The following SCAF8 variants were observed in gnomAD, a reference collection of about 807,000 sequenced individuals.
SCAF8 encodes SR-related and CTD-associated factor 8.
In SCAF8, 23 loss-of-function variants were observed where a neutral mutation model predicts 140.5. The ratio of observed to expected loss-of-function variants is 0.16; its 90% CI spans 0.12 to 0.23. SCAF8 has a LOEUF of 0.23. Ranked by LOEUF, SCAF8 falls within the 10% of genes least tolerant of loss-of-function variation. SCAF8 has a pLI of 1.00. For missense variants in SCAF8, 1,397 were observed against 1,555.7 expected, an observed-to-expected ratio of 0.90 and a Z score of 1.72; for synonymous variants, 575 against 528.9, an observed-to-expected ratio of 1.09 and a Z score of -1.20.
intron 1 of SCAF8, among the ~76,000 whole-genome samples, chr6:154,754,436 A>G (rs565288022): frequency 6.6e-6 from 1 of 152,224 alleles, no homozygotes; most frequent in South Asian, 2.1e-4. Flanking sequence ...CTGAGTGCCT[A>G]GGTAGTGAGA....
intron 1 of SCAF8, among the ~76,000 whole-genome samples, chr6:154,763,053 G>C (rs565622849): frequency 2.0e-5 from 3 of 152,018 alleles, no homozygotes; most frequent in Non-Finnish European, 4.4e-5. Flanking sequence ...GTATTTTCTT[G>C]TGTGTATTAT....
Position 154,802,049 on chromosome 6 carries a change from CTTG to C in SCAF8, c.691_693del (p.Val231del), listed in dbSNP as rs761840385. ...CATTCTGCAGGCCCTAGATGCTGGT[CTTG>C]TTGTTCAGTTGCAAGCTCTTACGGC... is the stretch of plus-strand genomic sequence containing the variant. On this transcript the variant is annotated inframe_deletion, in exon 7 of 20. Coordinates refer to ENST00000367178, the MANE Select transcript of SCAF8 (RefSeq NM_014892.5). 3.7e-6 allele frequency: 6 copies of C among 1,613,286 alleles called. No homozygotes were observed. Among genetic ancestry groups the C allele is most frequent in the South Asian group, 1.1e-5 (1 of 90,990 alleles).
intron 6 of SCAF8, among the ~76,000 whole-genome samples, chr6:154,796,665 G>A (rs1344940268): frequency 6.6e-6 from 1 of 151,960 alleles, no homozygotes; most frequent in African/African-American, 2.4e-5. Context: ...GAAGGTTTGG[G>A]TGAACTTAAT....
In SCAF8 at chr6:154,803,614, C is replaced by T; in HGVS notation, c.854C>T (p.Ala285Val). The stretch of plus-strand genomic sequence containing the variant: ...GAAGAACCCAAAAAGGAAATTCCAG[C>T]TTCACAACTGTAAGAATTTTTTCTT... ...HSEEPKKEIP[A>V]SQLSHVSESV... The change falls in exon 8 of 20, where the codon GCT (alanine) becomes GTT (valine). Residue 285 changes from alanine (A) to valine (V), a missense_variant. This residue lies in a region of SCAF8 where 339 missense variants were observed against 407.5 expected (regional missense o/e 0.83). Transcript: ENST00000367178. 2 of 1,608,590 alleles carry T rather than the reference C, an allele frequency of 1.2e-6. No individual in the cohort carries two copies. The highest frequency in any genetic ancestry group is 8.5e-7 in the Non-Finnish European group (1 of 1,176,492).
At chr6:154,744,064 G>A (rs1481194401) in intron 1 of SCAF8, among the ~76,000 whole-genome samples, 1 of 152,218 alleles carries the variant, frequency 6.6e-6, no homozygotes, top group Non-Finnish European at 1.5e-5. Context: ...GGAGGCCAAG[G>A]TGGGTGGATC....
At chr6:154,822,834 C>T (rs1177602799) in intron 16 of SCAF8, among the ~76,000 whole-genome samples, 2 of 152,268 alleles carry the variant, frequency 1.3e-5, no homozygotes, top group South Asian at 2.1e-4. Context: ...GACACTCACT[C>T]TTCTAGGTAT....
Position 154,794,663 on chromosome 6 carries a change from C to G in SCAF8, c.476-346C>G, listed in dbSNP as rs1400163713. On this transcript the variant is annotated intron_variant, in intron 5 of 19. Transcript: ENST00000367178. Reference sequence around the variant, plus strand: ...TGGTGCTAGCTCTGGTTTCAAGCATCCACTGGAGTTCTTGGAACACATCTC... The same window carrying G: ...TGGTGCTAGCTCTGGTTTCAAGCATGCACTGGAGTTCTTGGAACACATCTC... 2.0e-5 allele frequency among the ~76,000 whole-genome samples: 3 copies of G among 149,968 alleles called. 1 individual carries two copies. Among genetic ancestry groups the G allele is most frequent in the African/African-American group, 7.4e-5 (3 of 40,566 alleles).
intron 1 of SCAF8, among the ~76,000 whole-genome samples, chr6:154,748,814 A>G (rs77810629): frequency 6.6e-6 from 1 of 152,242 alleles, no homozygotes; most frequent in Non-Finnish European, 1.5e-5. Context: ...CTGCAGCATC[A>G]TTCTTGTGCA....
chr6:154,805,473 A>T lies in SCAF8; in HGVS notation c.968A>T (p.Gln323Leu). Reference sequence around the variant, plus strand: ...CTCAGACAGCAGCTCTTGGAGCAGCAACAGCCTCAAAAGGTTTATAACCCC... The same window carrying T: ...CTCAGACAGCAGCTCTTGGAGCAGCTACAGCCTCAAAAGGTTTATAACCCC... Reference protein sequence around the residue: ...EHLRQQLLEQQQPQKATPQDS... With the variant: ...EHLRQQLLEQLQPQKATPQDS... Residue 323 changes from glutamine to leucine, a missense_variant, in exon 9 of 20, where the codon CAA becomes CTA. This residue lies in a region of SCAF8 where 339 missense variants were observed against 407.5 expected (regional missense o/e 0.83). Transcript: ENST00000367178. The T allele has an allele frequency of 6.3e-7, 1 of 1,598,520 alleles. No homozygotes were observed. The highest frequency in any genetic ancestry group is 8.6e-7 in the Non-Finnish European group (1 of 1,167,236).
At chr6:154,758,540 T>C (rs991271015) in intron 1 of SCAF8, among the ~76,000 whole-genome samples, 4 of 152,218 alleles carry the variant, frequency 2.6e-5, no homozygotes, top group Admixed American at 1.3e-4. Context: ...ACGTAGTTCA[T>C]GCACAAAACT....
At position 154,832,939 on chromosome 6, in the gene SCAF8, A is replaced by C. The variant is rs1778795818; in HGVS notation, c.3360A>C (p.Arg1120Ser). The change falls in exon 20 of 20, where the codon AGA becomes AGC. Residue 1120 changes from arginine (R) to serine (S), a missense_variant. Physicochemically the swap from Arg to Ser is moderately radical, Grantham distance 110 (BLOSUM62 -1). Coordinates refer to ENST00000367178, the MANE Select transcript of SCAF8 (RefSeq NM_014892.5). Reference sequence around the variant, plus strand: ...GTCCAAAAGGCTTACATGAAGAAAGAGGTAGATTTCGGTCTGGAAACTATC... The same window carrying C: ...GTCCAAAAGGCTTACATGAAGAAAGCGGTAGATTTCGGTCTGGAAACTATC... ...YGGPKGLHEE[R>S]GRFRSGNYRF... The C allele has an allele frequency of 6.2e-7, 1 of 1,614,000 alleles. No individual in the cohort carries two copies. Among genetic ancestry groups the C allele is most frequent in the Admixed American group, 1.7e-5 (1 of 59,988 alleles).
At chr6:154,759,439 A>G (rs1779044861) in intron 1 of SCAF8, among the ~76,000 whole-genome samples, 1 of 152,192 alleles carries the variant, frequency 6.6e-6, no homozygotes, top group Non-Finnish European at 1.5e-5. Flanking sequence ...ACAGTATTCA[A>G]AACTGTAATG....
chr6:154,803,886 T>G (rs1246004078), intron 8 of SCAF8, among the ~76,000 whole-genome samples: 1 of 152,190 alleles, frequency 6.6e-6, no homozygotes, highest in East Asian at 1.9e-4. Context: ...ATTTTCCATA[T>G]TAGGCTTTAA....
At position 154,820,163 on chromosome 6, in the gene SCAF8, C is replaced by T; in HGVS notation, c.1636-14C>T. The T allele has an allele frequency of 1.3e-6, 2 of 1,552,806 alleles. No homozygotes were observed. The highest frequency in any genetic ancestry group is 2.2e-5 in the Admixed American group (1 of 44,816). The stretch of plus-strand genomic sequence containing the variant: ...TGTATAACCTTTCTTTTTTCCTCTT[C>T]CCATTTACAATAGATCGCTTGGGCT... On this transcript the variant is annotated splice_polypyrimidine_tract_variant and intron_variant, in intron 14 of 19. Transcript: ENST00000367178.
chr6:154,779,371 A>T (rs955200390), intron 3 of SCAF8, among the ~76,000 whole-genome samples: 3 of 152,172 alleles, frequency 2.0e-5, no homozygotes, highest in Non-Finnish European at 2.9e-5. Flanking sequence ...TGCCTCATAA[A>T]CTTGATGAAT....
At chr6:154,764,871 A>G (rs889380884) in intron 1 of SCAF8, among the ~76,000 whole-genome samples, 1 of 152,202 alleles carries the variant, frequency 6.6e-6, no homozygotes, top group East Asian at 1.9e-4. Flanking sequence ...GAAGAGAATA[A>G]CATTCCCAAT....
At chr6:154,737,629 C>T (rs1399284578) in intron 1 of SCAF8, among the ~76,000 whole-genome samples, 1 of 151,376 alleles carries the variant, frequency 6.6e-6, no homozygotes, top group Non-Finnish European at 1.5e-5. Flanking sequence ...GATCTCATGA[C>T]CCAGGAAGGT....
intron 1 of SCAF8, among the ~76,000 whole-genome samples, chr6:154,751,160 A>G (rs1778827026): frequency 6.6e-6 from 1 of 152,172 alleles, no homozygotes; most frequent in Admixed American, 6.5e-5. Flanking sequence ...AGCTATAGGA[A>G]GAGCTAGTTG....
intron 12 of SCAF8, among the ~76,000 whole-genome samples, chr6:154,815,170 G>A (rs939392901): frequency 1.1e-4 from 17 of 152,236 alleles, no homozygotes; most frequent in Middle Eastern, 3.4e-3. Flanking sequence ...GGTGGCGGGC[G>A]CCTGTAGTCC....
Sources: allele counts gnomAD v4.1 joint callset (sites outside exome capture counted in the v4.1 genomes callset), GRCh38; gene constraint gnomAD v4.1.1; regional missense constraint gnomAD v4.1.1; transcripts MANE v1.5; gene names NCBI Gene and HGNC (gene_info 2026-07-23, HGNC 2026-07-21).